The following BLOC1S6 variants were observed in gnomAD, a reference collection of about 807,000 sequenced individuals.
BLOC1S6 encodes the protein biogenesis of lysosome-related organelles complex 1 subunit 6.
Under a neutral mutation model 24.7 loss-of-function variants are expected in BLOC1S6, and 24 were observed. The observed-to-expected ratio is 0.97, with a 90% confidence interval of 0.70 to 1.37. BLOC1S6 has a LOEUF of 1.37. Among genes scored for constraint, BLOC1S6 ranks in the 40% most tolerant of loss-of-function variants. The probability of loss-of-function intolerance (pLI) is 0.00; values close to 1 mark genes in which losing one functional copy is unlikely to be tolerated. For synonymous variants in BLOC1S6, 76 were observed against 72.6 expected, an observed-to-expected ratio of 1.05 and a Z score of -0.23; for missense variants, 175 against 196.2, an observed-to-expected ratio of 0.89 and a Z score of 0.64.
At chr15:45,598,340 A>G (rs1310306313) in intron 2 of BLOC1S6, 2 of 122,364 alleles carry the variant, frequency 1.6e-5, no homozygotes, top group African/African-American at 6.4e-5. Context: ...CAGGGCAATC[A>G]GGCAGGAGAA....
intron 2 of BLOC1S6, among the ~76,000 whole-genome samples, chr15:45,593,833 A>G (rs1050792584): frequency 6.6e-6 from 1 of 152,108 alleles, no homozygotes; most frequent in Admixed American, 6.6e-5. Context: ...CCTGACACCA[A>G]CTTTATGAAG....
chr15:45,606,868 TTC>T lies in BLOC1S6; in HGVS notation c.*356_*357del, dbSNP rs1894485765. ...TGAATATGGATTTAAAACTCTCCAG[TTC>T]TTATTTTATGAAATGACTTGCCTTT... On this transcript the variant is annotated 3_prime_UTR_variant, in exon 5 of 5. Coordinates refer to ENST00000220531, the MANE Select transcript of BLOC1S6 (RefSeq NM_012388.4). 3 of 226,692 alleles carry T rather than the reference TTC, an allele frequency of 1.3e-5. No individual in the cohort carries two copies. Among genetic ancestry groups the T allele is most frequent in the Non-Finnish European group, 2.6e-5 (3 of 115,458 alleles). The allele number at this position is 226,692 out of a possible 1,614,324, so 14.0% of individuals were successfully genotyped here.
chr15:45,605,147 T>C (rs1277375766), intron 3 of BLOC1S6, among the ~76,000 whole-genome samples: 1 of 152,238 alleles, frequency 6.6e-6, no homozygotes, highest in African/African-American at 2.4e-5. Context: ...ATTTTAGAAT[T>C]ATATGTTTTT....
rs201461886 is a variant in BLOC1S6, at chr15:45,592,177, T to C, written c.125T>C (p.Leu42Ser). 44 of 1,614,154 alleles carry C rather than the reference T, an allele frequency of 2.7e-5. No individual in the cohort carries two copies. The Admixed American group carries it at 7.2e-4, about 26-fold the overall frequency. ...TSPDEGLIED[L>S]TIEDKAVEQL... ...CCAGATGAAGGGTTAATAGAGGACT[T>C]GACTATAGAAGACAAAGCAGTGGAG... is the stretch of plus-strand genomic sequence containing the variant. The change falls in exon 2 of 5, where the codon TTG becomes TCG. Residue 42 changes from leucine to serine, a missense_variant. By Grantham distance (145) the Leu-to-Ser change is moderately radical (BLOSUM62 -2). Transcript: ENST00000220531.
At chr15:45,605,995 A>G (rs923203029) in intron 4 of BLOC1S6, among the ~76,000 whole-genome samples, 16 of 152,222 alleles carry the variant, frequency 1.1e-4, no homozygotes, top group Non-Finnish European at 2.2e-4. Context: ...TATTAGAGAC[A>G]GGGTCTCACT....
At chr15:45,587,791 A>T (rs1203336153) in intron 1 of BLOC1S6, 4 of 701,488 alleles carry the variant, frequency 5.7e-6, no homozygotes, top group Non-Finnish European at 1.0e-5. Context: ...TTATGTGTTG[A>T]CTCCGGTACG....
chr15:45,588,169 T>C (rs4318152), intron 1 of BLOC1S6, among the ~76,000 whole-genome samples: 1 of 152,258 alleles, frequency 6.6e-6, no homozygotes, highest in African/African-American at 2.4e-5. Context: ...TTGGATATGC[T>C]TTTTCTTTTA....
At chr15:45,595,860 T>G (rs1254306424) in intron 2 of BLOC1S6, among the ~76,000 whole-genome samples, 3 of 152,212 alleles carry the variant, frequency 2.0e-5, no homozygotes, top group African/African-American at 7.2e-5. Context: ...CAGGCTGTAG[T>G]GCAATGGCAC....
chr15:45,590,121 T>C (rs1162533931), intron 1 of BLOC1S6, among the ~76,000 whole-genome samples: 1 of 152,162 alleles, frequency 6.6e-6, no homozygotes, highest in African/African-American at 2.4e-5. Flanking sequence ...GTGGATATAA[T>C]TTATTCACTT....
rs1280797853 is a variant in BLOC1S6, at chr15:45,592,145, C to T, written c.93C>T (p.Asp31=). Residue 31 remains aspartate (D), a synonymous_variant, in exon 2 of 5, where the codon GAC becomes GAT. Coordinates refer to ENST00000220531, the MANE Select transcript of BLOC1S6 (RefSeq NM_012388.4). ...TTTTGCTGGGGACAGGTTTAAGTGACACTTCTCCAGATGAAGGGTTAATAG... is the reference window on the plus strand; with the variant it reads ...TTTTGCTGGGGACAGGTTTAAGTGATACTTCTCCAGATGAAGGGTTAATAG... ...EAGEPTPGLS[D]TSPDEGLIED... is the part of the protein sequence containing the mutation. The T allele has an allele frequency of 6.2e-7, 1 of 1,614,074 alleles. No individual in the cohort carries two copies. The highest frequency in any genetic ancestry group is 1.1e-5 in the South Asian group (1 of 91,086).
At chr15:45,587,205 T>C, upstream of BLOC1S6, 1 of 588,792 alleles carries the variant, frequency 1.7e-6, no homozygotes, top group Non-Finnish European at 3.1e-6. Flanking sequence ...AGCCCCACAC[T>C]GCTGAGTCCG....
At position 45,587,487 on chromosome 15, in the gene BLOC1S6, G is replaced by A. The variant is rs1234333187; in HGVS notation, c.44G>A (p.Arg15Gln). ...TCGTCTCCGGACGGGGCCCTGACAC[G>A]GCCACCCTACTGCCTGGAGGCCGGG... Reference protein sequence around the residue: ...GPSSPDGALTRPPYCLEAGEP... With the variant: ...GPSSPDGALTQPPYCLEAGEP... The change falls in exon 1 of 5, where the codon CGG becomes CAG. Residue 15 changes from arginine to glutamine, a missense_variant. Physicochemically the swap from Arg to Gln is conservative, Grantham distance 43. Coordinates refer to ENST00000220531, the MANE Select transcript of BLOC1S6 (RefSeq NM_012388.4). 6.3e-7 allele frequency: 1 copy of A among 1,585,966 alleles called. No homozygotes were observed. Among genetic ancestry groups the A allele is most frequent in the South Asian group, 1.1e-5 (1 of 87,286 alleles).
At position 45,587,479 on chromosome 15, in the gene BLOC1S6, C is replaced by T. The variant is rs1426071548; in HGVS notation, c.36C>T (p.Ala12=). 6.3e-7 allele frequency: 1 copy of T among 1,584,858 alleles called. No individual in the cohort carries two copies. Among genetic ancestry groups the T allele is most frequent in the Non-Finnish European group, 8.6e-7 (1 of 1,165,164 alleles). ...SVPGPSSPDG[A]LTRPPYCLEA... is the part of the protein sequence containing the mutation. ...CTGGGCCGTCGTCTCCGGACGGGGC[C>T]CTGACACGGCCACCCTACTGCCTGG... Residue 12 remains alanine, a synonymous_variant, in exon 1 of 5, where the codon GCC becomes GCT. Coordinates refer to ENST00000220531, the MANE Select transcript of BLOC1S6 (RefSeq NM_012388.4).
At chr15:45,600,262 C>A (rs1894225957) in intron 2 of BLOC1S6, among the ~76,000 whole-genome samples, 1 of 150,472 alleles carries the variant, frequency 6.6e-6, no homozygotes, top group Admixed American at 6.6e-5. Flanking sequence ...AGTGCACCAG[C>A]ATGGCACATG....
chr15:45,594,193 G>T (rs920714093), intron 2 of BLOC1S6, among the ~76,000 whole-genome samples: 5 of 152,066 alleles, frequency 3.3e-5, no homozygotes, highest in African/African-American at 1.2e-4. Flanking sequence ...TAAAGGAGAA[G>T]GTAGTGGTAG....
At position 45,587,523 on chromosome 15, in the gene BLOC1S6, C is replaced by G; in HGVS notation, c.80C>G (p.Pro27Arg). 6.4e-7 allele frequency: 1 copy of G among 1,572,014 alleles called. No homozygotes were observed. The highest frequency in any genetic ancestry group is 1.2e-5 in the South Asian group (1 of 86,228). The change falls in exon 1 of 5, where the codon CCT (proline) becomes CGT (arginine). Residue 27 changes from proline (P) to arginine (R), a missense_variant and splice_region_variant. Coordinates refer to ENST00000220531, the MANE Select transcript of BLOC1S6 (RefSeq NM_012388.4). Reference sequence around the variant, plus strand: ...TGCCTGGAGGCCGGGGAGCCGACGCCTGGTACGTACTATCGGGTGGGAAGC... The same window carrying G: ...TGCCTGGAGGCCGGGGAGCCGACGCGTGGTACGTACTATCGGGTGGGAAGC... ...PYCLEAGEPT[P>R]GLSDTSPDEG...
chr15:45,590,981 G>A (rs1893862099), intron 1 of BLOC1S6, among the ~76,000 whole-genome samples: 1 of 151,960 alleles, frequency 6.6e-6, no homozygotes, highest in African/African-American at 2.4e-5. Flanking sequence ...TTTAGAAATT[G>A]TATTTTTCTT....
chr15:45,592,029 A>G, intron 1 of BLOC1S6, 106 bp from the exon 2 acceptor site: 1 of 1,300,154 alleles, frequency 7.7e-7, no homozygotes, highest in Non-Finnish European at 1.1e-6. Flanking sequence ...GATCACAACC[A>G]GTTACAGATT....
intron 1 of BLOC1S6, among the ~76,000 whole-genome samples, chr15:45,590,271 T>A (rs1029091533): frequency 1.3e-5 from 2 of 152,112 alleles, no homozygotes; most frequent in Non-Finnish European, 2.9e-5. Context: ...CTCTTACCTA[T>A]TTGAATGTTG....
Sources: gnomAD v4.1 joint callset for allele counts (sites outside exome capture counted in the v4.1 genomes callset) on GRCh38, gnomAD v4.1.1 for gene constraint, MANE v1.5 for transcripts, NCBI Gene and HGNC (gene_info 2026-07-23, HGNC 2026-07-21) for gene names.